DHX30: variants seen among roughly 807,000 people sequenced by gnomAD.
DHX30 encodes the protein DExH-box helicase 30.
In DHX30, 4 loss-of-function variants were observed where a neutral mutation model predicts 116.9. That is an observed-to-expected ratio of 0.03 (90% CI 0.02 to 0.08). The LOEUF (loss-of-function observed/expected upper bound fraction) is 0.08. Ranked by LOEUF, DHX30 falls within the 10% of genes least tolerant of loss-of-function variation. DHX30 has a pLI of 1.00. For missense variants in DHX30, 871 were observed against 1,595.1 expected (o/e 0.55, Z 7.73); for synonymous variants, 697 against 651.7 (o/e 1.07, Z -1.06).
chr3:47,816,207 T>C (rs2036043801), intron 3 of DHX30: 6 of 981,832 alleles, frequency 6.1e-6, no homozygotes, highest in Non-Finnish European at 7.3e-6. Flanking sequence ...AGAGAGCTTA[T>C]GGGAAAAATA....
At chr3:47,839,043 G>A (rs541789396) in intron 6 of DHX30, among the ~76,000 whole-genome samples, 2 of 151,206 alleles carry the variant, frequency 1.3e-5, no homozygotes, top group African/African-American at 2.4e-5. Context: ...CTGGCTAACT[G>A]CCTCTTATAT....
At chr3:47,830,480 T>C (rs981996859) in intron 6 of DHX30, among the ~76,000 whole-genome samples, 1 of 152,080 alleles carries the variant, frequency 6.6e-6, no homozygotes, top group Non-Finnish European at 1.5e-5. Flanking sequence ...TTTTCATTTT[T>C]AGTAGAGACG....
At position 47,841,192 on chromosome 3, in the gene DHX30, A is replaced by T. The variant is rs371029757; in HGVS notation, c.668+14A>T. 1.6e-5 allele frequency: 25 copies of T among 1,611,946 alleles called. No homozygotes were observed. The African/African-American group carries it at 2.9e-4, about 19-fold the overall frequency. ...CAGGGACTCAAGGTACAGATGGAGG[A>T]TGGGGATGCAGCAGAGGCTGGCTGT... On this transcript the variant is annotated intron_variant, in intron 7 of 21. Coordinates refer to ENST00000445061, the MANE Select transcript of DHX30 (RefSeq NM_138615.3).
intron 6 of DHX30, among the ~76,000 whole-genome samples, chr3:47,830,412 C>T (rs141136961): frequency 2.1e-3 from 325 of 151,524 alleles, no homozygotes; most frequent in Non-Finnish European, 3.6e-3. Context: ...CACACCATTG[C>T]GCTCCAGCCT....
chr3:47,819,255 A>C, intron 4 of DHX30: 2 of 1,367,866 alleles, frequency 1.5e-6, no homozygotes, highest in Non-Finnish European at 2.0e-6. Context: ...TAACATTTCC[A>C]ACATGGCAGG....
chr3:47,830,824 G>A (rs2036812065), intron 6 of DHX30: 1 of 152,324 alleles, frequency 6.6e-6, no homozygotes, highest in South Asian at 2.1e-4. Flanking sequence ...CAAACTCCTG[G>A]TCTCAAGCAG....
In DHX30 at chr3:47,848,971, C is replaced by T. The variant is rs1374098009; in HGVS notation, c.2821C>T (p.Arg941Trp). 2 of 1,613,040 alleles carry T rather than the reference C, an allele frequency of 1.2e-6. No homozygotes were observed. Among genetic ancestry groups the T allele is most frequent in the Non-Finnish European group, 1.7e-6 (2 of 1,179,600 alleles). Residue 941 changes from arginine to tryptophan, a missense_variant, in exon 18 of 22, where the codon CGG (arginine) becomes TGG (tryptophan). Arg to Trp is a moderately radical substitution (Grantham distance 101). Transcript: ENST00000445061. This position sits in a 1 kb window ranked among gnomAD's most constrained non-coding sequence, Gnocchi z 9.4. ...DSGSDHLAFV[R>W]AVAGWEEVLR... Reference sequence around the variant, plus strand: ...CGGCAGTGACCACCTGGCCTTTGTGCGGGCTGTCGCCGGCTGGGAGGAGGT... The same window carrying T: ...CGGCAGTGACCACCTGGCCTTTGTGTGGGCTGTCGCCGGCTGGGAGGAGGT...
Position 47,846,908 on chromosome 3 carries a change from T to C in DHX30, c.1836T>C (p.Pro612=). Residue 612 remains proline (P), a synonymous_variant, in exon 11 of 22, where the codon CCT becomes CCC. Transcript: ENST00000445061. Reference sequence around the variant, plus strand: ...GTGGCTGCCCCGTCATCAAGGTGCCTGGCTTCATGTACCCAGTCAAGGAGC... The same window carrying C: ...GTGGCTGCCCCGTCATCAAGGTGCCCGGCTTCATGTACCCAGTCAAGGAGC... The part of the protein sequence containing the change: ...YFGGCPVIKV[P]GFMYPVKEHY... The C allele has an allele frequency of 1.2e-6, 2 of 1,613,492 alleles. No individual in the cohort carries two copies. Among genetic ancestry groups the C allele is most frequent in the Non-Finnish European group, 1.7e-6 (2 of 1,180,010 alleles).
intron 2 of DHX30, among the ~76,000 whole-genome samples, 159 bp downstream of exon 2, chr3:47,805,579 C>G (rs980962338): frequency 3.3e-5 from 5 of 152,136 alleles, no homozygotes; most frequent in Non-Finnish European, 7.4e-5. Flanking sequence ...CGCTTTGTCC[C>G]CCAGGCTGGA....
chr3:47,809,122 T>G (rs2035667933), intron 2 of DHX30, among the ~76,000 whole-genome samples: 1 of 151,792 alleles, frequency 6.6e-6, no homozygotes, highest in Admixed American at 6.6e-5. Flanking sequence ...TAAGTAATAT[T>G]CACTTAAAAT....
At chr3:47,829,287 G>GAGATAT (rs1553702167) in intron 6 of DHX30, among the ~76,000 whole-genome samples, 153 bp downstream of exon 6, 4 of 35,844 alleles carry the variant, frequency 1.1e-4, no homozygotes, top group African/African-American at 6.0e-4. Context: ...CAGCCAATGA[G>GAGATAT]ATATATATAT....
intron 6 of DHX30, 30 bp from the exon 7 acceptor site, chr3:47,840,847 A>C: frequency 6.2e-7 from 1 of 1,613,656 alleles, no homozygotes; most frequent in Non-Finnish European, 8.5e-7. Context: ...AGATGGTATC[A>C]ATCCTTAAAA....
chr3:47,835,549 C>T (rs1447400956), intron 6 of DHX30, among the ~76,000 whole-genome samples: 1 of 151,328 alleles, frequency 6.6e-6, no homozygotes, highest in African/African-American at 2.4e-5. Context: ...AGGTGGTCCA[C>T]CCGCCTCAGC....
Position 47,847,667 on chromosome 3 carries a change from G to A in DHX30, c.2111-114G>A. On this transcript the variant is annotated intron_variant, in intron 13 of 21. Transcript: ENST00000445061. The surrounding 1 kb of genome is among the most constrained non-coding windows in gnomAD (Gnocchi z 5.5). ...TGTGGCACTTTTCACTGGGCATAGT[G>A]TTTATCTGCGCCTGTTTCATCAAAA... The A allele has an allele frequency of 6.8e-7, 1 of 1,477,294 alleles. No homozygotes were observed. The highest frequency in any genetic ancestry group is 2.5e-5 in the East Asian group (1 of 40,424). The allele number at this position is 1,477,294 out of a possible 1,614,324, so 91.5% of individuals were successfully genotyped here. A position where few individuals can be genotyped will look rare whatever the true frequency, so the allele number is the denominator to read the frequency against.
intron 6 of DHX30, among the ~76,000 whole-genome samples, chr3:47,836,170 T>G (rs939637306): frequency 3.3e-5 from 5 of 152,122 alleles, no homozygotes; most frequent in African/African-American, 1.2e-4. Context: ...CAGGCTAGAG[T>G]GCAATGGTGC....
chr3:47,810,716 G>T lies in DHX30; in HGVS notation c.28+5G>T. On this transcript the variant is annotated splice_donor_5th_base_variant and intron_variant, in intron 3 of 21. Transcript: ENST00000445061. ...GCCTGGACTCATTCAGAAAAGGTAA[G>T]ACTGCAACTGTGCTTGTGACCTCAT... 1 of 1,614,016 alleles carries T rather than the reference G, an allele frequency of 6.2e-7. No homozygotes were observed. Among genetic ancestry groups the T allele is most frequent in the South Asian group, 1.1e-5 (1 of 91,064 alleles).
At chr3:47,845,183 T>C (rs1207044891) in intron 9 of DHX30, among the ~76,000 whole-genome samples, 1 of 152,080 alleles carries the variant, frequency 6.6e-6, no homozygotes, top group African/African-American at 2.4e-5. Flanking sequence ...TTTTCTTGAA[T>C]TAACTTTATT....
rs2037690911 is a variant in DHX30 at position 47,847,961 on chromosome 3, C to A, written c.2286+5C>A. The A allele has an allele frequency of 1.9e-6, 3 of 1,612,146 alleles. No homozygotes were observed. In the East Asian group the frequency reaches 6.7e-5, roughly 36 times the overall value. Reference sequence around the variant, plus strand: ...CGCTATGACCTGAAGACCAAGGTGGCACCTACCTCCTGGGCCCGGCCAACC... The same window carrying A: ...CGCTATGACCTGAAGACCAAGGTGGAACCTACCTCCTGGGCCCGGCCAACC... On this transcript the variant is annotated splice_donor_5th_base_variant and intron_variant, in intron 14 of 21. Coordinates refer to ENST00000445061, the MANE Select transcript of DHX30 (RefSeq NM_138615.3). This position sits in a 1 kb window ranked among gnomAD's most constrained non-coding sequence, Gnocchi z 5.5.
rs1386136563 is a variant in DHX30, at chr3:47,846,603, C to T, written c.1531C>T (p.Leu511=). ...GGTCAGCCACGAACTGGGCCCCTCCCTGCGCCGGAATGTGGGCTTCCAGGT... is the reference window on the plus strand; with the variant it reads ...GGTCAGCCACGAACTGGGCCCCTCCTTGCGCCGGAATGTGGGCTTCCAGGT... The part of the protein sequence containing the change: ...QRVSHELGPS[L]RRNVGFQVRL... The change falls in exon 11 of 22, where the codon CTG becomes TTG. Residue 511 remains leucine (L), a synonymous_variant. Transcript: ENST00000445061. The T allele has an allele frequency of 2.5e-6, 4 of 1,614,112 alleles. No individual in the cohort carries two copies. The highest frequency in any genetic ancestry group is 2.5e-6 in the Non-Finnish European group (3 of 1,180,028).
Sources: allele counts gnomAD v4.1 joint callset (sites outside exome capture counted in the v4.1 genomes callset), GRCh38; gene constraint gnomAD v4.1.1; non-coding constraint Gnocchi (gnomAD v3.1); transcripts MANE v1.5; gene names NCBI Gene and HGNC (gene_info 2026-07-23, HGNC 2026-07-21).